ZNF469: variants seen among roughly 807,000 people sequenced by gnomAD.
The protein encoded by ZNF469 is zinc finger protein 469.
In ZNF469, 1 loss-of-function variant was observed where a neutral mutation model predicts 1.0. The observed-to-expected ratio is 1.00, with a 90% CI of 0.35 to 4.73. The LOEUF is 4.73. Among genes scored for constraint, ZNF469 ranks in the 30% most tolerant of loss-of-function variants. The pLI is 0.16. For synonymous variants in ZNF469, 2,703 were observed against 2,363.4 expected, an observed-to-expected ratio of 1.14 and a Z score of -4.17; for missense variants, 6,100 against 5,356.3, an observed-to-expected ratio of 1.14 and a Z score of -4.33.
the ZNF469 span, among the ~76,000 whole-genome samples, chr16:88,126,670 T>C: frequency 1.3e-5 from 2 of 149,868 alleles, no homozygotes; most frequent in Non-Finnish European, 3.0e-5. Flanking sequence ...TTTGTTTTTT[T>C]TGAGACAAAG....
At chr16:88,302,052 G>C in the ZNF469 span, among the ~76,000 whole-genome samples, 27 of 152,190 alleles carry the variant, frequency 1.8e-4, no homozygotes, top group African/African-American at 6.0e-4. Context: ...CCTGGCTCAC[G>C]GGCAGTTCGT....
chr16:88,418,658 C>G (rs1032171941), intron 1 of ZNF469, among the ~76,000 whole-genome samples: 19 of 152,006 alleles, frequency 1.2e-4, no homozygotes, highest in African/African-American at 4.6e-4. Flanking sequence ...TAAGACAGGA[C>G]GAACACCATT....
chr16:88,257,046 T>G, the ZNF469 span, among the ~76,000 whole-genome samples: 22 of 150,308 alleles, frequency 1.5e-4, no homozygotes, highest in Middle Eastern at 0.01. Flanking sequence ...CCTCCTAGGT[T>G]CAAGTGATTC....
At chr16:88,190,011 ACCCCACC>A in the ZNF469 span, among the ~76,000 whole-genome samples, 7 of 63,070 alleles carry the variant, frequency 1.1e-4, no homozygotes, top group East Asian at 3.4e-3. Flanking sequence ...ACAATTTCCC[ACCCCACC>A]CACCCTGTTA....
the ZNF469 span, among the ~76,000 whole-genome samples, chr16:88,216,791 C>G: frequency 6.6e-6 from 1 of 152,268 alleles, no homozygotes; most frequent in African/African-American, 2.4e-5. Context: ...TAACTATGTC[C>G]CATTTGTCTC....
At chr16:88,418,298 A>G (rs1905357195) in intron 1 of ZNF469, among the ~76,000 whole-genome samples, 1 of 152,154 alleles carries the variant, frequency 6.6e-6, no homozygotes, top group African/African-American at 2.4e-5. Flanking sequence ...CATTGGAGCT[A>G]AAGCTGAAGG....
chr16:88,430,024 G>C lies in ZNF469; in HGVS notation c.2554G>C (p.Glu852Gln). ...CATCACAGAGGCGCTCAACGGCATGGAGTACCAGTCGGACAACCCGGAGAT... is the reference window on the plus strand; with the variant it reads ...CATCACAGAGGCGCTCAACGGCATGCAGTACCAGTCGGACAACCCGGAGAT... ...SLITEALNGMEYQSDNPEIDS... is the reference protein window; with the variant it reads ...SLITEALNGMQYQSDNPEIDS... The change falls in exon 3 of 3, where the codon GAG (glutamate) becomes CAG (glutamine). Residue 852 changes from glutamate to glutamine, a missense_variant. Glu to Gln is a conservative substitution (Grantham distance 29). Coordinates refer to ENST00000565624, the MANE Select transcript of ZNF469 (RefSeq NM_001367624.2). 4.5e-6 allele frequency: 7 copies of C among 1,550,404 alleles called. No individual in the cohort carries two copies. Among genetic ancestry groups the C allele is most frequent in the Non-Finnish European group, 6.1e-6 (7 of 1,146,982 alleles).
chr16:88,414,546 GC>G (rs1326973445), intron 1 of ZNF469, among the ~76,000 whole-genome samples: 3 of 152,262 alleles, frequency 2.0e-5, no homozygotes, highest in Non-Finnish European at 4.4e-5. Flanking sequence ...CGGCAGAGCT[GC>G]CCTGGATTGG....
At chr16:88,401,401 G>C (rs1269386973) in intron 1 of ZNF469, among the ~76,000 whole-genome samples, 2 of 95,796 alleles carry the variant, frequency 2.1e-5, no homozygotes, top group Non-Finnish European at 4.3e-5. Context: ...GCAGGCCCAA[G>C]ACCCAGATTC....
the ZNF469 span, among the ~76,000 whole-genome samples, chr16:88,127,401 A>T: frequency 6.6e-6 from 1 of 152,360 alleles, no homozygotes; most frequent in African/African-American, 2.4e-5. Context: ...CCTTGATTTC[A>T]CTGCTTTCAT....
chr16:88,399,560 G>C (rs1176331511), intron 1 of ZNF469, among the ~76,000 whole-genome samples: 4 of 152,186 alleles, frequency 2.6e-5, no homozygotes, highest in African/African-American at 9.7e-5. Context: ...GGGCCAGGCT[G>C]GAGCAGGGAC....
At chr16:88,281,453 A>G in the ZNF469 span, among the ~76,000 whole-genome samples, 1 of 149,070 alleles carries the variant, frequency 6.7e-6, no homozygotes, top group Non-Finnish European at 1.5e-5. Context: ...GTGCTGTGCC[A>G]CACCGATGCT....
At chr16:88,193,151 G>C in the ZNF469 span, among the ~76,000 whole-genome samples, 7 of 13,468 alleles carry the variant, frequency 5.2e-4, no homozygotes, top group African/African-American at 2.0e-3. Flanking sequence ...ATGGTGGTGG[G>C]GATGGTGGTG....
chr16:88,321,870 C>T, the ZNF469 span, among the ~76,000 whole-genome samples: 1 of 152,250 alleles, frequency 6.6e-6, no homozygotes, highest in African/African-American at 2.4e-5. Flanking sequence ...ATGGCCAAGG[C>T]CAGTGCCTCC....
At chr16:88,331,449 TCAC>T in the ZNF469 span, among the ~76,000 whole-genome samples, 3 of 147,404 alleles carry the variant, frequency 2.0e-5, no homozygotes, top group East Asian at 4.1e-4. Context: ...ACCATCATAA[TCAC>T]CACCATCATC....
In ZNF469 at chr16:88,431,345, G is replaced by C. The variant is rs183126539; in HGVS notation, c.3875G>C (p.Ser1292Thr). 176 of 1,549,526 alleles carry C rather than the reference G, an allele frequency of 1.1e-4. No homozygotes were observed. In the East Asian group the frequency reaches 3.9e-3, roughly 34 times the overall value. Reference sequence around the variant, plus strand: ...CTCGCCAACACGGCGCCCCACGGAAGCTCGCCAACGCCAGGTGTGGGCAGC... The same window carrying C: ...CTCGCCAACACGGCGCCCCACGGAACCTCGCCAACGCCAGGTGTGGGCAGC... Reference protein sequence around the residue: ...GSLANTAPHGSSPTPGVGSLL... With the variant: ...GSLANTAPHGTSPTPGVGSLL... Residue 1292 changes from serine to threonine, a missense_variant, in exon 3 of 3, where the codon AGC becomes ACC. Coordinates refer to ENST00000565624, the MANE Select transcript of ZNF469 (RefSeq NM_001367624.2).
At chr16:88,147,714 A>G in the ZNF469 span, among the ~76,000 whole-genome samples, 2 of 152,056 alleles carry the variant, frequency 1.3e-5, no homozygotes, top group East Asian at 1.9e-4. Context: ...GGGCATTCCA[A>G]CATACCCCTT....
upstream of ZNF469, among the ~76,000 whole-genome samples, chr16:88,382,265 T>C (rs2092527269): frequency 6.6e-6 from 1 of 152,230 alleles, no homozygotes; most frequent in South Asian, 2.1e-4. Context: ...CGTGTGGCCT[T>C]GGGCAGGTTC....
chr16:88,225,406 G>A, the ZNF469 span, among the ~76,000 whole-genome samples: 1 of 152,208 alleles, frequency 6.6e-6, no homozygotes, highest in Non-Finnish European at 1.5e-5. Context: ...TTTTGAAGGA[G>A]GCTTTAGATC....
Sources: gnomAD v4.1 joint callset for allele counts (sites outside exome capture counted in the v4.1 genomes callset) on GRCh38, gnomAD v4.1.1 for gene constraint, MANE v1.5 for transcripts, NCBI Gene and HGNC (gene_info 2026-07-23, HGNC 2026-07-21) for gene names.